The following MXI1 variants were observed in gnomAD, a reference collection of about 807,000 sequenced individuals.
The protein encoded by MXI1 is MAX interactor 1, dimerization protein, also known as max-interacting protein 1.
In MXI1, 18 loss-of-function variants were observed where a neutral mutation model predicts 36.9. The observed-to-expected ratio is 0.49, with a 90% CI of 0.34 to 0.72. The LOEUF (loss-of-function observed/expected upper bound fraction) is 0.72, where lower values mean the gene tolerates loss of function less well. MXI1 is among the 30% of genes least tolerant of loss of function. The pLI is 0.01. For missense variants in MXI1, 304 were observed against 379.1 expected, an observed-to-expected ratio of 0.80 and a Z score of 1.64; for synonymous variants, 160 against 146.7, an observed-to-expected ratio of 1.09 and a Z score of -0.65.
chr10:110,255,611 A>G (rs1856259581), intron 3 of MXI1, among the ~76,000 whole-genome samples: 1 of 152,190 alleles, frequency 6.6e-6, no homozygotes, highest in Non-Finnish European at 1.5e-5. Flanking sequence ...AACCAAGAAG[A>G]TGAAAGCTTT....
intron 5 of MXI1, among the ~76,000 whole-genome samples, chr10:110,283,054 T>C (rs922944788): frequency 1.3e-5 from 2 of 152,082 alleles, no homozygotes; most frequent in African/African-American, 2.4e-5. Context: ...TAGTTGTAGG[T>C]TGGATGAGTG....
chr10:110,213,899 A>G (rs1299603691), intron 1 of MXI1, among the ~76,000 whole-genome samples: 1 of 152,276 alleles, frequency 6.6e-6, no homozygotes, highest in Non-Finnish European at 1.5e-5. Flanking sequence ...ATGGCATAAT[A>G]TCAATAATGG....
intron 1 of MXI1, among the ~76,000 whole-genome samples, chr10:110,213,078 T>C (rs1854548552): frequency 6.6e-6 from 1 of 152,222 alleles, no homozygotes; most frequent in Non-Finnish European, 1.5e-5. Context: ...TGACAGCCTT[T>C]CCGAAGATTT....
rs11195041 is a variant in MXI1 at position 110,240,440 on chromosome 10, A to G, written c.408-4388A>G. 1.6e-3 allele frequency among the ~76,000 whole-genome samples: 241 copies of G among 152,236 alleles called. 2 individuals are homozygous for G. The East Asian group carries it at 0.019, about 12-fold the overall frequency. On this transcript the variant is annotated intron_variant, in intron 2 of 5. Coordinates refer to ENST00000332674, the MANE Select transcript of MXI1 (RefSeq NM_130439.3). Reference sequence around the variant, plus strand: ...GGTGGTAATTGTTTTGTCATTGTTAAGAAAGAAGCAATACATTTCTTATGA... The same window carrying G: ...GGTGGTAATTGTTTTGTCATTGTTAGGAAAGAAGCAATACATTTCTTATGA...
At position 110,286,319 on chromosome 10, in the gene MXI1, T is replaced by C. The variant is rs1857424245; in HGVS notation, c.*1332T>C. 6.6e-6 allele frequency: 1 copy of C among 152,620 alleles called. No individual in the cohort carries two copies. The highest frequency in any genetic ancestry group is 2.4e-5 in the African/African-American group (1 of 41,436). The allele number at this position is 152,620 out of a possible 1,614,324, so 9.5% of individuals were successfully genotyped here. A position where few individuals can be genotyped will look rare whatever the true frequency, so the allele number is the denominator to read the frequency against. ...ACGAATATTTTCAGTAATGTTATTT[T>C]CTTCTAAGTGAAATTTCTAGCCTGC... On this transcript the variant is annotated 3_prime_UTR_variant, in exon 6 of 6. Transcript: ENST00000332674.
chr10:110,247,748 G>A (rs150967290), intron 3 of MXI1, among the ~76,000 whole-genome samples: 1 of 152,174 alleles, frequency 6.6e-6, no homozygotes, highest in Non-Finnish European at 1.5e-5. Flanking sequence ...CTGTTGGTGG[G>A]ACTGTAAATT....
intron 1 of MXI1, among the ~76,000 whole-genome samples, chr10:110,216,653 T>C: frequency 7.0e-6 from 1 of 142,618 alleles, no homozygotes. Context: ...GTCTCCCCTA[T>C]CTGTGTTTAA....
intron 1 of MXI1, chr10:110,226,373 G>C: frequency 7.4e-7 from 1 of 1,351,696 alleles, no homozygotes; most frequent in Non-Finnish European, 9.5e-7. Flanking sequence ...ACGCGTGTGA[G>C]GTGCGCGCAT....
chr10:110,226,324 A>C (rs1347170025), intron 1 of MXI1: 1 of 1,456,086 alleles, frequency 6.9e-7, no homozygotes, highest in South Asian at 1.3e-5. Context: ...AGCGCTACTA[A>C]TCTTTTTCGG....
At chr10:110,227,843 AGG>A (rs1048413555) in intron 1 of MXI1, 2 of 277,908 alleles carry the variant, frequency 7.2e-6, no homozygotes, top group African/African-American at 4.3e-5. Context: ...TTGAAAGTAA[AGG>A]GGAATTTTTG....
chr10:110,282,798 T>G (rs903572846), intron 5 of MXI1, among the ~76,000 whole-genome samples: 1 of 152,306 alleles, frequency 6.6e-6, no homozygotes, highest in African/African-American at 2.4e-5. Context: ...TAAAGCAGTT[T>G]CTCATTTTAC....
intron 1 of MXI1, among the ~76,000 whole-genome samples, chr10:110,216,672 T>G (rs111693659): frequency 2.4e-5 from 2 of 83,578 alleles, no homozygotes. Context: ...AATGTTTTTT[T>G]TTTTTTTTTT....
At chr10:110,243,747 T>G (rs923461654) in intron 2 of MXI1, among the ~76,000 whole-genome samples, 2 of 152,138 alleles carry the variant, frequency 1.3e-5, no homozygotes, top group African/African-American at 4.8e-5. Flanking sequence ...ATTTTGCTAT[T>G]TAGCATAAAC....
intron 3 of MXI1, among the ~76,000 whole-genome samples, chr10:110,255,973 C>G (rs1774178394): frequency 6.6e-6 from 1 of 152,150 alleles, no homozygotes; most frequent in South Asian, 2.1e-4. Flanking sequence ...AACAGACTTA[C>G]TGATTAGTGG....
At chr10:110,266,442 A>G (rs1322511024) in intron 3 of MXI1, among the ~76,000 whole-genome samples, 3 of 152,152 alleles carry the variant, frequency 2.0e-5, no homozygotes, top group East Asian at 1.9e-4. Context: ...TGTGTTTTCT[A>G]TGAAGGAGTG....
intron 2 of MXI1, among the ~76,000 whole-genome samples, chr10:110,237,199 T>C (rs1452851805): frequency 6.6e-6 from 1 of 152,232 alleles, no homozygotes; most frequent in Non-Finnish European, 1.5e-5. Flanking sequence ...TATTTCCTTT[T>C]CTTGTTTTAT....
chr10:110,239,117 A>G (rs895144567), intron 2 of MXI1, among the ~76,000 whole-genome samples: 1 of 152,026 alleles, frequency 6.6e-6, no homozygotes, highest in Non-Finnish European at 1.5e-5. Flanking sequence ...CAGTTTCTCA[A>G]CGTTAGCAGT....
chr10:110,279,746 A>G (rs904854785), intron 4 of MXI1, among the ~76,000 whole-genome samples, 168 bp from the exon 5 acceptor site: 12 of 152,256 alleles, frequency 7.9e-5, no homozygotes, highest in Admixed American at 6.5e-4. Context: ...ATTTTTAAAA[A>G]TATGTATTTA....
chr10:110,276,617 T>C (rs919343164), intron 3 of MXI1, among the ~76,000 whole-genome samples: 8 of 151,938 alleles, frequency 5.3e-5, no homozygotes, highest in Non-Finnish European at 1.2e-4. Flanking sequence ...GTTAACATTT[T>C]TTTTTTACTT....
Sources: allele counts gnomAD v4.1 joint callset (sites outside exome capture counted in the v4.1 genomes callset), GRCh38; gene constraint gnomAD v4.1.1; transcripts MANE v1.5; gene names NCBI Gene and HGNC (gene_info 2026-07-23, HGNC 2026-07-21).